COL18A1: variants seen among roughly 807,000 people sequenced by gnomAD.
COL18A1 encodes the protein collagen type XVIII alpha 1 chain.
A neutral mutation model predicts 168.0 loss-of-function variants in COL18A1; 133 were observed. The ratio of observed to expected loss-of-function variants is 0.79; its 90% CI spans 0.69 to 0.91. COL18A1 has a LOEUF of 0.91. Among genes scored for constraint, COL18A1 ranks in the 40% least tolerant of loss-of-function variants. COL18A1 has a pLI of 0.00. For synonymous variants in COL18A1, 949 were observed against 809.0 expected (o/e 1.17, Z -2.94); for missense variants, 2,126 against 1,925.4 (o/e 1.10, Z -1.95).
rs543365379 is a variant in COL18A1, at chr21:45,438,767, ATC to A, written c.107-29474_107-29473del. ...CAGCACGTGGACAAAGGCGCATCTA[ATC>A]CTTGCAGGCAGAGTGGCTTATTAGA... On this transcript the variant is annotated intron_variant, in intron 2 of 41. Transcript: ENST00000651438. 1.1e-3 allele frequency among the ~76,000 whole-genome samples: 174 copies of A among 152,360 alleles called. 2 individuals carry two copies. The highest frequency in any genetic ancestry group is 4.1e-3 in the African/African-American group (170 of 41,588).
At chr21:45,451,514 A>G (rs898025990) in intron 2 of COL18A1, among the ~76,000 whole-genome samples, 3 of 152,170 alleles carry the variant, frequency 2.0e-5, no homozygotes, top group Admixed American at 6.5e-5. Flanking sequence ...TTGGCGAGCC[A>G]TGCTCTTCCC....
At chr21:45,445,124 C>G (rs1407425764) in intron 2 of COL18A1, among the ~76,000 whole-genome samples, 1 of 152,230 alleles carries the variant, frequency 6.6e-6, no homozygotes, top group East Asian at 1.9e-4. Flanking sequence ...CCGCCGCCCT[C>G]CCTCCCTCCA....
chr21:45,405,576 T>A, intron 2 of COL18A1, 103 bp downstream of exon 2: 1 of 693,672 alleles, frequency 1.4e-6, no homozygotes, highest in Non-Finnish European at 1.9e-6. Context: ...CCGGCCGCTC[T>A]GGGTTCAGCC....
At position 45,498,333 on chromosome 21, in the gene COL18A1, G is replaced by A. The variant is rs1185969605; in HGVS notation, c.2683+672G>A. On this transcript the variant is annotated intron_variant, in intron 32 of 41. Transcript: ENST00000651438. This position sits in a 1 kb window ranked among gnomAD's most constrained non-coding sequence, Gnocchi z 4.5. ...CGCCACGGTCCCCTCTCGCCGCCAG[G>A]GTCCCCTCTCACCGCCAGGGTTCCC... 4.6e-6 allele frequency: 3 copies of A among 651,720 alleles called. No homozygotes were observed. The highest frequency in any genetic ancestry group is 2.3e-5 in the Admixed American group (1 of 43,624). 40.4% of individuals were successfully genotyped at this position (651,720 alleles called of 1,614,324 possible). A position where few individuals can be genotyped will look rare whatever the true frequency, so the allele number is the denominator to read the frequency against.
intron 29 of COL18A1, chr21:45,495,646 G>T: frequency 3.5e-6 from 2 of 569,450 alleles, no homozygotes; most frequent in Admixed American, 2.6e-5. Flanking sequence ...ATATATGGCC[G>T]TACTCATACA....
At chr21:45,499,913 C>T (rs1002275100) in intron 32 of COL18A1, among the ~76,000 whole-genome samples, 14 of 152,206 alleles carry the variant, frequency 9.2e-5, no homozygotes, top group African/African-American at 2.7e-4. Flanking sequence ...ATTTAGGTCC[C>T]GATACATCTA....
intron 2 of COL18A1, among the ~76,000 whole-genome samples, chr21:45,431,474 C>A (rs1379214825): frequency 1.7e-5 from 1 of 57,258 alleles, no homozygotes; most frequent in Non-Finnish European, 2.9e-5. Flanking sequence ...AGGCAGGACC[C>A]GGCGGCCCAG....
At chr21:45,431,462 G>A (rs1271319484) in intron 2 of COL18A1, among the ~76,000 whole-genome samples, 7 of 108,008 alleles carry the variant, frequency 6.5e-5, no homozygotes, top group African/African-American at 3.0e-4. Flanking sequence ...GGGGAGGGGG[G>A]CAGGCAGGAC....
intron 22 of COL18A1, among the ~76,000 whole-genome samples, chr21:45,491,710 C>G (rs968836527): frequency 2.0e-5 from 3 of 152,212 alleles, no homozygotes; most frequent in Non-Finnish European, 4.4e-5. Context: ...GAACCTTCCT[C>G]CCCCACTGCG....
At chr21:45,428,416 T>C (rs2145777170) in intron 2 of COL18A1, among the ~76,000 whole-genome samples, 1 of 152,370 alleles carries the variant, frequency 6.6e-6, no homozygotes, top group East Asian at 1.9e-4. Context: ...GTTTCCACCC[T>C]GGCATTTTCC....
rs769974256 is a variant in COL18A1 at position 45,487,001 on chromosome 21, C to T, written c.1833+9C>T. ...GACTCCCCGCTGGATTTGTGAGTAC[C>T]GCCTACACCTGACCCCCTGGAGAGC... is the stretch of plus-strand genomic sequence containing the variant. On this transcript the variant is annotated intron_variant, in intron 16 of 41. Transcript: ENST00000651438. 1.7e-5 allele frequency: 25 copies of T among 1,512,128 alleles called. No homozygotes were observed. The highest frequency in any genetic ancestry group is 8.5e-5 in the African/African-American group (6 of 70,784). The allele number at this position is 1,512,128 out of a possible 1,614,324, so 93.7% of individuals were successfully genotyped here.
At position 45,509,367 on chromosome 21, in the gene COL18A1, G is replaced by A. The variant is rs532042399; in HGVS notation, c.3261G>A (p.Val1087=). Residue 1087 remains valine (V), a synonymous_variant, in exon 39 of 42, where the codon GTG becomes GTA. Coordinates refer to ENST00000651438, the MANE Select transcript of COL18A1 (RefSeq NM_001379500.1). ...TCTCCCACCTGCAGGACAATGAAGT[G>A]GCCGCCTTGCAGCCCCCCGTGGTGC... ...TPLPRGTDNE[V]AALQPPVVQL... The A allele has an allele frequency of 2.3e-5, 36 of 1,545,466 alleles. No individual in the cohort carries two copies. In the East Asian group the frequency reaches 7.8e-4, roughly 33 times the overall value.
Position 45,504,508 on chromosome 21 carries a change from C to A in COL18A1, c.2820C>A (p.Pro940=). Residue 940 remains proline, a synonymous_variant, in exon 34 of 42, where the codon CCC becomes CCA. Transcript: ENST00000651438. ...TCTTCGGCTCCAGCCTGCCCGGCCCCCCCGGCCCCCCAGGCCCCCCAGGCC... is the reference window on the plus strand; with the variant it reads ...TCTTCGGCTCCAGCCTGCCCGGCCCACCCGGCCCCCCAGGCCCCCCAGGCC... ...GGFFGSSLPG[P]PGPPGPPGPR... 5.3e-6 allele frequency: 5 copies of A among 944,860 alleles called. No individual in the cohort carries two copies. 58.5% of individuals were successfully genotyped at this position (944,860 alleles called of 1,614,324 possible).
chr21:45,480,452 G>A lies in COL18A1; in HGVS notation c.1399-15G>A, dbSNP rs1327932285. The A allele has an allele frequency of 2.5e-6, 4 of 1,614,112 alleles. No individual in the cohort carries two copies. Among genetic ancestry groups the A allele is most frequent in the Non-Finnish European group, 2.5e-6 (3 of 1,180,012 alleles). Reference sequence around the variant, plus strand: ...CGAGCTCAGGGCAACGTGTCTCTCCGGCTCTTTTCCTCAGACCTTCATTGA... The same window carrying A: ...CGAGCTCAGGGCAACGTGTCTCTCCAGCTCTTTTCCTCAGACCTTCATTGA... On this transcript the variant is annotated splice_polypyrimidine_tract_variant and intron_variant, in intron 11 of 41. Coordinates refer to ENST00000651438, the MANE Select transcript of COL18A1 (RefSeq NM_001379500.1).
Position 45,505,234 on chromosome 21 carries a change from C to T in COL18A1, c.2969C>T (p.Pro990Leu). ...GGGCGCCAGGGCCCTCCCGGCCCCCCAGGCCCCCCAGGGCCCCCTTCATTT... is the reference window on the plus strand; with the variant it reads ...GGGCGCCAGGGCCCTCCCGGCCCCCTAGGCCCCCCAGGGCCCCCTTCATTT... Reference protein sequence around the residue: ...YEGRQGPPGPPGPPGPPSFPG... With the variant: ...YEGRQGPPGPLGPPGPPSFPG... The change falls in exon 35 of 42, where the codon CCA becomes CTA. Residue 990 changes from proline to leucine, a missense_variant. Transcript: ENST00000651438. The T allele has an allele frequency of 1.9e-6, 3 of 1,597,738 alleles. No individual in the cohort carries two copies. Among genetic ancestry groups the T allele is most frequent in the Non-Finnish European group, 2.6e-6 (3 of 1,169,980 alleles).
intron 2 of COL18A1, among the ~76,000 whole-genome samples, chr21:45,406,241 C>A (rs1253945131): frequency 1.3e-5 from 2 of 152,172 alleles, no homozygotes; most frequent in Non-Finnish European, 2.9e-5. Flanking sequence ...AGGGGAGCCC[C>A]GCCCAAAGGG....
At chr21:45,477,151 G>A (rs564813025) in intron 6 of COL18A1, among the ~76,000 whole-genome samples, 1 of 152,296 alleles carries the variant, frequency 6.6e-6, no homozygotes, top group Admixed American at 6.5e-5. Flanking sequence ...ACAAATTCAG[G>A]AAGCATCTCC....
Position 45,411,778 on chromosome 21 carries a change from A to AGGGGGGGGGGGGG in COL18A1, c.106+6307_106+6308insGGGGGGGGGGGGG, listed in dbSNP as rs1569273645. Among the ~76,000 whole-genome samples the AGGGGGGGGGGGGG allele has an allele frequency of 3.7e-4, 40 of 108,294 alleles. 1 individual carries two copies. The highest frequency in any genetic ancestry group is 1.6e-3 in the East Asian group (2 of 1,290). 71.0% of individuals were successfully genotyped at this position (108,294 alleles called of 152,430 possible). ...TGATGGCGGGGGGTGGGGGGGGGGC[A>AGGGGGGGGGGGGG]GGCTGTGGTCAGGGACCTGCAGGAG... is the stretch of plus-strand genomic sequence containing the variant. On this transcript the variant is annotated intron_variant, in intron 2 of 41. Coordinates refer to ENST00000651438, the MANE Select transcript of COL18A1 (RefSeq NM_001379500.1).
chr21:45,413,119 G>T (rs1347193981), intron 2 of COL18A1, among the ~76,000 whole-genome samples: 1 of 152,198 alleles, frequency 6.6e-6, no homozygotes, highest in Non-Finnish European at 1.5e-5. Flanking sequence ...GAGGCTCTAG[G>T]GGGGACGCCA....
Sources: allele counts gnomAD v4.1 joint callset (sites outside exome capture counted in the v4.1 genomes callset), GRCh38; gene constraint gnomAD v4.1.1; non-coding constraint Gnocchi (gnomAD v3.1); transcripts MANE v1.5; gene names NCBI Gene and HGNC (gene_info 2026-07-23, HGNC 2026-07-21).